Variants in ZC3H3 observed in about 807,000 individuals in gnomAD.
ZC3H3 encodes the protein zinc finger CCCH-type containing 3, also known as zinc finger CCCH domain-containing protein 3.
Under a neutral mutation model 77.3 loss-of-function variants are expected in ZC3H3, and 36 were observed. The ratio of observed to expected loss-of-function variants is 0.47; its 90% CI spans 0.36 to 0.61. The LOEUF is 0.61. ZC3H3 is among the 20% of genes least tolerant of loss of function. The pLI is 0.00. For synonymous variants in ZC3H3, 626 were observed against 555.2 expected (o/e 1.13, Z -1.79); for missense variants, 1,331 against 1,312.2 (o/e 1.01, Z -0.22).
At position 143,538,761 on chromosome 8, in the gene ZC3H3, C is replaced by A. The variant is rs775702002; in HGVS notation, c.606G>T (p.Val202=). Reference sequence around the variant, plus strand: ...TGTCGCCCACACTGCCCACTGACTTCACCATCCTGGGCTTACCAGGCTCCT... The same window carrying A: ...TGTCGCCCACACTGCCCACTGACTTAACCATCCTGGGCTTACCAGGCTCCT... ...CQKEPGKPRM[V]KSVGSVGDSP... Residue 202 remains valine (V), a synonymous_variant, in exon 2 of 12, where the codon GTG becomes GTT. Transcript: ENST00000262577. 1.9e-6 allele frequency: 3 copies of A among 1,611,530 alleles called. No individual in the cohort carries two copies. Among genetic ancestry groups the A allele is most frequent in the South Asian group, 1.1e-5 (1 of 91,036 alleles).
chr8:143,488,632 A>G (rs567018561), intron 4 of ZC3H3, among the ~76,000 whole-genome samples: 2 of 152,380 alleles, frequency 1.3e-5, no homozygotes, highest in Non-Finnish European at 2.9e-5. Flanking sequence ...TGGGGTAGAC[A>G]TGAGTGGGAA....
At chr8:143,532,640 C>T (rs996083873) in intron 3 of ZC3H3, among the ~76,000 whole-genome samples, 7 of 152,384 alleles carry the variant, frequency 4.6e-5, no homozygotes, top group Non-Finnish European at 8.8e-5. Flanking sequence ...GGCTCACTGG[C>T]TCACCAGAGC....
At chr8:143,481,918 C>T (rs764862122) in intron 4 of ZC3H3, among the ~76,000 whole-genome samples, 2 of 152,262 alleles carry the variant, frequency 1.3e-5, no homozygotes, top group African/African-American at 2.4e-5. Flanking sequence ...GAACATGCCA[C>T]GCAGAGCCCC....
In ZC3H3 at chr8:143,539,331, A is replaced by G. The variant is rs1166458319; in HGVS notation, c.47-11T>C. On this transcript the variant is annotated splice_polypyrimidine_tract_variant and intron_variant, in intron 1 of 11. Coordinates refer to ENST00000262577, the MANE Select transcript of ZC3H3 (RefSeq NM_015117.3). ...AGTCATCAATCAGACCTGAGAAGAC[A>G]GAACCACAGGCCCAGTTAGCCAGAG... The G allele has an allele frequency of 6.3e-7, 1 of 1,587,936 alleles. No homozygotes were observed. The highest frequency in any genetic ancestry group is 8.6e-7 in the Non-Finnish European group (1 of 1,166,812).
At chr8:143,441,806 C>T (rs555623093) in intron 9 of ZC3H3, among the ~76,000 whole-genome samples, 3 of 152,198 alleles carry the variant, frequency 2.0e-5, no homozygotes, top group South Asian at 2.1e-4. Flanking sequence ...CCACCCCTCC[C>T]GGGCTCTGCT....
chr8:143,505,043 C>T (rs928848134), intron 4 of ZC3H3, among the ~76,000 whole-genome samples: 4 of 152,206 alleles, frequency 2.6e-5, no homozygotes, highest in Non-Finnish European at 4.4e-5. Context: ...CCCACACCGG[C>T]GCTGTCCCTC....
chr8:143,536,055 T>C (rs537273306), intron 3 of ZC3H3, among the ~76,000 whole-genome samples: 1 of 152,206 alleles, frequency 6.6e-6, no homozygotes, highest in African/African-American at 2.4e-5. Context: ...CAGCAGCACA[T>C]CCCACAGCCA....
chr8:143,523,220 C>G (rs1822306177), intron 3 of ZC3H3: 1 of 767,798 alleles, frequency 1.3e-6, no homozygotes, highest in African/African-American at 1.9e-5. Flanking sequence ...GGCTGGACCA[C>G]CTGGCCCCCA....
chr8:143,474,629 G>A (rs1820674620), intron 5 of ZC3H3, among the ~76,000 whole-genome samples: 1 of 152,198 alleles, frequency 6.6e-6, no homozygotes, highest in Non-Finnish European at 1.5e-5. Context: ...CTCCTCCAGG[G>A]GCTGAACCTG....
Position 143,462,149 on chromosome 8 carries a change from C to G in ZC3H3, c.2307+3568G>C, listed in dbSNP as rs1020137985. Reference sequence around the variant, plus strand: ...GAGGCCTCCCTGTGCCAGGGCCACCCAGGACACTGCCAGGCCCACTGTGGC... The same window carrying G: ...GAGGCCTCCCTGTGCCAGGGCCACCGAGGACACTGCCAGGCCCACTGTGGC... On this transcript the variant is annotated intron_variant, in intron 9 of 11. Coordinates refer to ENST00000262577, the MANE Select transcript of ZC3H3 (RefSeq NM_015117.3). This position sits in a 1 kb window ranked among gnomAD's most constrained non-coding sequence, Gnocchi z 4.7. 3.3e-5 allele frequency among the ~76,000 whole-genome samples: 5 copies of G among 152,158 alleles called. No homozygotes were observed. The East Asian group carries it at 9.6e-4, about 29-fold the overall frequency.
intron 4 of ZC3H3, among the ~76,000 whole-genome samples, chr8:143,489,585 C>G (rs190482474): frequency 6.6e-6 from 1 of 152,348 alleles, no homozygotes; most frequent in East Asian, 1.9e-4. Context: ...CAGGACCGCC[C>G]CAGGCAAGCC....
At chr8:143,512,497 G>A (rs1036577448) in intron 3 of ZC3H3, among the ~76,000 whole-genome samples, 3 of 152,240 alleles carry the variant, frequency 2.0e-5, no homozygotes, top group Admixed American at 6.5e-5. Context: ...CTCTGGCCCC[G>A]GTGCCCTGAG....
chr8:143,497,637 G>A (rs750527175), intron 4 of ZC3H3, among the ~76,000 whole-genome samples: 9 of 152,200 alleles, frequency 5.9e-5, no homozygotes, highest in African/African-American at 9.7e-5. Context: ...GCAATGCTGC[G>A]GTCAGGAGGG....
rs768538323 is a variant in ZC3H3, at chr8:143,538,392, C to G, written c.975G>C (p.Arg325=). 3 of 1,613,100 alleles carry G rather than the reference C, an allele frequency of 1.9e-6. No individual in the cohort carries two copies. In the African/African-American group the frequency reaches 4.0e-5, roughly 22 times the overall value. Residue 325 remains arginine, a synonymous_variant, in exon 2 of 12, where the codon CGG becomes CGC. Coordinates refer to ENST00000262577, the MANE Select transcript of ZC3H3 (RefSeq NM_015117.3). The stretch of plus-strand genomic sequence containing the variant: ...CAGCCACTCTGGGACTGAGGGCCCT[C>G]CGAGCAACCCGGGGACTCTTCGAGG... ...AASSKSPRVA[R]RALSPRVAAE... is the part of the protein sequence containing the mutation.
chr8:143,523,474 C>T (rs1266869296), intron 3 of ZC3H3: 1 of 985,286 alleles, frequency 1.0e-6, no homozygotes, highest in African/African-American at 1.7e-5. Flanking sequence ...GGAAGACACT[C>T]CCCGCTGCAA....
chr8:143,495,534 C>T (rs553702408), intron 4 of ZC3H3, among the ~76,000 whole-genome samples: 6 of 152,278 alleles, frequency 3.9e-5, no homozygotes, highest in Admixed American at 1.3e-4. Context: ...GCAATGGCAA[C>T]GTTCTTTATC....
rs1819730813 is a variant in ZC3H3, at chr8:143,441,128, G to A, written c.2308-8C>T. The A allele has an allele frequency of 7.1e-7, 1 of 1,409,518 alleles. No individual in the cohort carries two copies. The highest frequency in any genetic ancestry group is 9.2e-7 in the Non-Finnish European group (1 of 1,089,908). 87.3% of individuals were successfully genotyped at this position (1,409,518 alleles called of 1,614,324 possible). ...CGTGTGTTTCTTCTTGCACTGCAGA[G>A]AGAAGGGGTGCAGGTGGGTGGGCCG... On this transcript the variant is annotated splice_region_variant and splice_polypyrimidine_tract_variant and intron_variant, in intron 9 of 11. Coordinates refer to ENST00000262577, the MANE Select transcript of ZC3H3 (RefSeq NM_015117.3).
chr8:143,492,521 C>A (rs1821235662), intron 4 of ZC3H3, among the ~76,000 whole-genome samples: 1 of 152,234 alleles, frequency 6.6e-6, no homozygotes, highest in African/African-American at 2.4e-5. Context: ...ACGGAGCCAG[C>A]AAACAGACCT....
chr8:143,477,620 C>T (rs1820772281), intron 4 of ZC3H3, among the ~76,000 whole-genome samples: 2 of 152,218 alleles, frequency 1.3e-5, no homozygotes, highest in South Asian at 2.1e-4. Flanking sequence ...GGACCTCCTG[C>T]ACCAGCCTCT....
Sources: allele counts gnomAD v4.1 joint callset (sites outside exome capture counted in the v4.1 genomes callset), GRCh38; gene constraint gnomAD v4.1.1; non-coding constraint Gnocchi (gnomAD v3.1); transcripts MANE v1.5; gene names NCBI Gene and HGNC (gene_info 2026-07-23, HGNC 2026-07-21).